MCC: variants seen among roughly 807,000 people sequenced by gnomAD.
MCC encodes the protein MCC regulator of Wnt signaling pathway, also known as colorectal mutant cancer protein.
MCC carries 90 observed loss-of-function variants against 116.2 expected under a neutral mutation model. The observed-to-expected ratio is 0.77, with a 90% confidence interval of 0.65 to 0.92. The LOEUF (loss-of-function observed/expected upper bound fraction) is 0.92. Among genes scored for constraint, MCC ranks in the 40% least tolerant of loss-of-function variants. MCC has a pLI of 0.00. For missense variants in MCC, 1,516 were observed against 1,312.2 expected (o/e 1.16, Z -2.40); for synonymous variants, 578 against 510.5 (o/e 1.13, Z -1.78).
intron 6 of MCC, among the ~76,000 whole-genome samples, chr5:113,105,536 A>G (rs1756679303): frequency 6.6e-6 from 1 of 152,252 alleles, no homozygotes; most frequent in Admixed American, 6.5e-5. Context: ...GATCTCTCCC[A>G]TCTCCATGAA....
chr5:113,077,100 G>C (rs372017752), intron 11 of MCC, among the ~76,000 whole-genome samples: 2,623 of 152,232 alleles, frequency 0.017, 39 homozygotes, highest in Non-Finnish European at 0.03. Flanking sequence ...TCAACAAGAA[G>C]AGCTAACTAT....
intron 3 of MCC, among the ~76,000 whole-genome samples, chr5:113,327,137 G>A (rs1281392610): frequency 6.6e-6 from 1 of 152,098 alleles, no homozygotes; most frequent in African/African-American, 2.4e-5. Flanking sequence ...ACGGAGAAAA[G>A]CTTCAGATCT....
chr5:113,191,228 C>T (rs1300527546), intron 3 of MCC, among the ~76,000 whole-genome samples: 4 of 152,218 alleles, frequency 2.6e-5, no homozygotes, highest in Non-Finnish European at 5.9e-5. Flanking sequence ...TGGTCTCCCC[C>T]ATCTGCCTCC....
At chr5:113,486,371 C>T (rs1393139660) in intron 1 of MCC, among the ~76,000 whole-genome samples, 1 of 152,224 alleles carries the variant, frequency 6.6e-6, no homozygotes, top group Non-Finnish European at 1.5e-5. Flanking sequence ...TCACCACCCA[C>T]TTTACTCAAA....
At chr5:113,260,958 T>C (rs1268860171) in intron 3 of MCC, among the ~76,000 whole-genome samples, 1 of 152,036 alleles carries the variant, frequency 6.6e-6, no homozygotes, top group Non-Finnish European at 1.5e-5. Context: ...TCTGGGAAAA[T>C]ATCAAATGGT....
intron 6 of MCC, among the ~76,000 whole-genome samples, chr5:113,106,628 T>C (rs944978821): frequency 6.6e-5 from 10 of 152,216 alleles, no homozygotes; most frequent in African/African-American, 2.2e-4. Context: ...GGTACAATCC[T>C]AGCTCACTAA....
chr5:113,032,181 C>T (rs1580879170), intron 17 of MCC, among the ~76,000 whole-genome samples: 3 of 152,168 alleles, frequency 2.0e-5, no homozygotes, highest in Admixed American at 2.0e-4. Context: ...TAGGCCGGGG[C>T]TGGCGGATCA....
At chr5:113,075,881 GCCAGTGAGT>G (rs1212133685) in intron 11 of MCC, among the ~76,000 whole-genome samples, 13 of 152,178 alleles carry the variant, frequency 8.5e-5, no homozygotes, top group African/African-American at 3.1e-4. Flanking sequence ...CACTCCTGAA[GCCAGTGAGT>G]CCACGATACC....
intron 17 of MCC, among the ~76,000 whole-genome samples, chr5:113,032,720 T>C (rs561188340): frequency 1.3e-5 from 2 of 152,302 alleles, no homozygotes; most frequent in Admixed American, 6.5e-5. Context: ...TAAGGCATTC[T>C]AAGTCACAGG....
chr5:113,366,415 T>G (rs1308316197), intron 2 of MCC, among the ~76,000 whole-genome samples: 2 of 152,192 alleles, frequency 1.3e-5, no homozygotes, highest in Non-Finnish European at 2.9e-5. Flanking sequence ...TCTGGAGAAT[T>G]ATTTGTGGAT....
intron 3 of MCC, among the ~76,000 whole-genome samples, chr5:113,204,875 T>A (rs1020252239): frequency 6.6e-6 from 1 of 152,196 alleles, no homozygotes; most frequent in Non-Finnish European, 1.5e-5. Flanking sequence ...TTTATATCCA[T>A]CCACTGATCA....
At chr5:113,337,223 C>T (rs1767891768) in intron 3 of MCC, among the ~76,000 whole-genome samples, 1 of 152,154 alleles carries the variant, frequency 6.6e-6, no homozygotes, top group African/African-American at 2.4e-5. Context: ...ATTTGGGGGA[C>T]TTTTCAGTGG....
intron 11 of MCC, among the ~76,000 whole-genome samples, chr5:113,075,977 T>C (rs1446092351): frequency 2.0e-5 from 3 of 152,134 alleles, no homozygotes; most frequent in South Asian, 4.1e-4. Flanking sequence ...AGCTTCAGTC[T>C]TGAAGCCAGC....
At chr5:113,333,018 C>T (rs1430745058) in intron 3 of MCC, among the ~76,000 whole-genome samples, 1 of 151,600 alleles carries the variant, frequency 6.6e-6, no homozygotes, top group Non-Finnish European at 1.5e-5. Flanking sequence ...ATAATAAGGA[C>T]TGTGGGAACT....
chr5:113,443,647 CTTA>C (rs1196179260), intron 1 of MCC, among the ~76,000 whole-genome samples: 1 of 151,982 alleles, frequency 6.6e-6, no homozygotes, highest in Non-Finnish European at 1.5e-5. Context: ...ATAAATAGCT[CTTA>C]TTATTTTGAG....
intron 2 of MCC, among the ~76,000 whole-genome samples, chr5:113,343,797 T>A (rs1351502982): frequency 6.6e-6 from 1 of 152,174 alleles, no homozygotes; most frequent in Non-Finnish European, 1.5e-5. Flanking sequence ...AATTATACAT[T>A]TAAACTTTTT....
At chr5:113,189,838 T>C (rs972486122) in intron 3 of MCC, among the ~76,000 whole-genome samples, 1 of 152,202 alleles carries the variant, frequency 6.6e-6, no homozygotes, top group Non-Finnish European at 1.5e-5. Context: ...CAATCTTAAT[T>C]AAGCAGCCAC....
chr5:113,299,436 T>C (rs1217593849), intron 3 of MCC, among the ~76,000 whole-genome samples: 1 of 151,872 alleles, frequency 6.6e-6, no homozygotes, highest in Non-Finnish European at 1.5e-5. Flanking sequence ...GTAATTTAAA[T>C]GTCTTACGAT....
At chr5:113,424,047 T>C (rs1282976033) in intron 1 of MCC, among the ~76,000 whole-genome samples, 1 of 151,330 alleles carries the variant, frequency 6.6e-6, no homozygotes, top group Non-Finnish European at 1.5e-5. Context: ...CTGTGTGTAT[T>C]AGGAAGGGGA....
Sources: gnomAD v4.1 joint callset for allele counts (sites outside exome capture counted in the v4.1 genomes callset) on GRCh38, gnomAD v4.1.1 for gene constraint, MANE v1.5 for transcripts, NCBI Gene and HGNC (gene_info 2026-07-23, HGNC 2026-07-21) for gene names.